Variants in MARCHF1 observed in about 807,000 individuals in gnomAD.
MARCHF1 encodes the protein E3 ubiquitin-protein ligase MARCHF1.
In MARCHF1, 40 loss-of-function variants were observed where a neutral mutation model predicts 54.2. That is an observed-to-expected ratio of 0.74 (90% CI 0.57 to 0.96). The LOEUF (loss-of-function observed/expected upper bound fraction) is 0.96. Among genes scored for constraint, MARCHF1 ranks in the 40% least tolerant of loss-of-function variants. The pLI is 0.00. For missense variants in MARCHF1, 586 were observed against 656.5 expected (o/e 0.89, Z 1.17); for synonymous variants, 236 against 236.3 (o/e 1.00, Z 0.01).
intron 4 of MARCHF1, among the ~76,000 whole-genome samples, chr4:163,713,818 T>C (rs1218306755): frequency 6.6e-6 from 1 of 152,218 alleles, no homozygotes; most frequent in Non-Finnish European, 1.5e-5. Flanking sequence ...GACTTTCACC[T>C]GTATGATACA....
At chr4:164,301,374 G>A (rs1006484941) in intron 1 of MARCHF1, among the ~76,000 whole-genome samples, 1 of 152,180 alleles carries the variant, frequency 6.6e-6, no homozygotes, top group Admixed American at 6.5e-5. Context: ...TCTAACCTGG[G>A]TTAAAGAAGC....
chr4:163,687,997 G>A (rs972269498), intron 5 of MARCHF1, among the ~76,000 whole-genome samples: 3 of 152,156 alleles, frequency 2.0e-5, no homozygotes, highest in Admixed American at 1.3e-4. Context: ...GGTAGTTAAT[G>A]TCTCAAAGTG....
chr4:164,380,120 A>G (rs993983592), intron 1 of MARCHF1, among the ~76,000 whole-genome samples: 1 of 152,192 alleles, frequency 6.6e-6, no homozygotes, highest in African/African-American at 2.4e-5. Context: ...CTTACTTCAT[A>G]ATTTTTATGA....
intron 1 of MARCHF1, among the ~76,000 whole-genome samples, chr4:164,274,467 GA>G (rs536786672): frequency 3.3e-5 from 5 of 151,452 alleles, no homozygotes; most frequent in African/African-American, 9.7e-5. Flanking sequence ...GGATTAGCTA[GA>G]AAAAAAATTA....
At chr4:164,140,907 T>A (rs1176274440) in intron 1 of MARCHF1, among the ~76,000 whole-genome samples, 2 of 152,162 alleles carry the variant, frequency 1.3e-5, no homozygotes, top group Non-Finnish European at 2.9e-5. Context: ...CCTCCTAAAT[T>A]TTCTCAAGAC....
At chr4:164,199,703 G>T (rs1560950955) in intron 1 of MARCHF1, among the ~76,000 whole-genome samples, 1 of 145,380 alleles carries the variant, frequency 6.9e-6, no homozygotes, top group East Asian at 2.0e-4. Flanking sequence ...GAGAGAGAGA[G>T]AGAGAGAGAA....
chr4:163,836,072 C>A (rs1267518479), intron 4 of MARCHF1, among the ~76,000 whole-genome samples: 1 of 151,986 alleles, frequency 6.6e-6, no homozygotes, highest in African/African-American at 2.4e-5. Flanking sequence ...TGGTATTAGG[C>A]AAGATTGAAT....
At chr4:163,598,190 G>T (rs1389301086) in intron 7 of MARCHF1, among the ~76,000 whole-genome samples, 1 of 152,108 alleles carries the variant, frequency 6.6e-6, no homozygotes, top group Non-Finnish European at 1.5e-5. Context: ...TTGAAAGGGG[G>T]TGTCTTCAAC....
chr4:163,705,079 C>T (rs1380504515), intron 4 of MARCHF1, among the ~76,000 whole-genome samples: 1 of 151,296 alleles, frequency 6.6e-6, no homozygotes, highest in African/African-American at 2.4e-5. Context: ...AGAATTTGTT[C>T]AAGAAAAAGA....
chr4:163,652,557 T>G (rs1743004876), intron 5 of MARCHF1, among the ~76,000 whole-genome samples: 2 of 151,806 alleles, frequency 1.3e-5, no homozygotes, highest in Admixed American at 6.6e-5. Context: ...CAAGCCCTTG[T>G]TATTTCCCCT....
At chr4:164,221,636 G>T (rs1732115632) in intron 1 of MARCHF1, among the ~76,000 whole-genome samples, 1 of 151,906 alleles carries the variant, frequency 6.6e-6, no homozygotes, top group Non-Finnish European at 1.5e-5. Context: ...TAGAAATTCA[G>T]TAATGCCTTC....
chr4:164,125,939 T>C (rs936774472), intron 1 of MARCHF1, among the ~76,000 whole-genome samples: 9 of 152,196 alleles, frequency 5.9e-5, no homozygotes, highest in Non-Finnish European at 1.3e-4. Context: ...GTGGAAAAAC[T>C]GTCTTCCACG....
At chr4:164,350,495 G>A (rs1730254109) in intron 1 of MARCHF1, among the ~76,000 whole-genome samples, 1 of 152,118 alleles carries the variant, frequency 6.6e-6, no homozygotes, top group African/African-American at 2.4e-5. Flanking sequence ...AGCTAAAAGA[G>A]AGGATTTTGA....
chr4:164,343,074 T>C (rs946025834), intron 1 of MARCHF1, among the ~76,000 whole-genome samples: 2 of 152,128 alleles, frequency 1.3e-5, no homozygotes, highest in African/African-American at 4.8e-5. Context: ...AGCTTGATGT[T>C]TATAGTTAAT....
intron 1 of MARCHF1, among the ~76,000 whole-genome samples, chr4:164,141,367 G>C (rs947169676): frequency 6.6e-6 from 1 of 152,170 alleles, no homozygotes; most frequent in Non-Finnish European, 1.5e-5. Context: ...GCCCCAGCAA[G>C]TTTCTTTTTA....
At chr4:163,559,322 T>A (rs141910030) in intron 8 of MARCHF1, among the ~76,000 whole-genome samples, 1 of 152,196 alleles carries the variant, frequency 6.6e-6, no homozygotes, top group Non-Finnish European at 1.5e-5. Flanking sequence ...AAAATGCAAC[T>A]TTAGTTTTTG....
chr4:163,601,826 C>G (rs978589980), intron 7 of MARCHF1, among the ~76,000 whole-genome samples: 1 of 151,410 alleles, frequency 6.6e-6, no homozygotes, highest in African/African-American at 2.4e-5. Flanking sequence ...AATAATTGGC[C>G]TTCAGAATAC....
chr4:163,702,669 TAAG>T (rs1348278075), intron 4 of MARCHF1, among the ~76,000 whole-genome samples: 5 of 152,174 alleles, frequency 3.3e-5, no homozygotes, highest in African/African-American at 4.8e-5. Flanking sequence ...ACAGTTATAA[TAAG>T]AATATTATTT....
intron 1 of MARCHF1, among the ~76,000 whole-genome samples, chr4:164,165,079 T>A (rs1215024198): frequency 6.6e-6 from 1 of 152,002 alleles, no homozygotes; most frequent in Non-Finnish European, 1.5e-5. Flanking sequence ...AAAGAGCGCA[T>A]GTCAGATAGC....
Sources: allele counts gnomAD v4.1 joint callset (sites outside exome capture counted in the v4.1 genomes callset), GRCh38; gene constraint gnomAD v4.1.1; transcripts MANE v1.5; gene names NCBI Gene and HGNC (gene_info 2026-07-23, HGNC 2026-07-21).